The following NRG3 variants were observed in gnomAD, a reference collection of about 807,000 sequenced individuals.
NRG3 encodes the protein neuregulin 3.
In NRG3, 31 loss-of-function variants were observed where a neutral mutation model predicts 66.9. The observed-to-expected ratio is 0.46, with a 90% CI of 0.35 to 0.63. The LOEUF (loss-of-function observed/expected upper bound fraction) is 0.63, where lower values mean the gene tolerates loss of function less well. NRG3 is among the 20% of genes least tolerant of loss of function. The pLI is 0.00. For synonymous variants in NRG3, 393 were observed against 359.4 expected, an observed-to-expected ratio of 1.09 and a Z score of -1.06; for missense variants, 910 against 878.9, an observed-to-expected ratio of 1.04 and a Z score of -0.45.
At chr10:82,311,716 C>T (rs1419960984) in intron 1 of NRG3, among the ~76,000 whole-genome samples, 1 of 152,114 alleles carries the variant, frequency 6.6e-6, no homozygotes, top group Non-Finnish European at 1.5e-5. Flanking sequence ...TCATTTAATA[C>T]TCACACCAAA....
chr10:82,078,596 C>G (rs12765033), intron 1 of NRG3, among the ~76,000 whole-genome samples: 109 of 152,232 alleles, frequency 7.2e-4, no homozygotes, highest in African/African-American at 2.5e-3. Flanking sequence ...GTGATCCGAC[C>G]GCCTTGGCCT....
At chr10:82,630,499 C>T (rs937279385) in intron 2 of NRG3, among the ~76,000 whole-genome samples, 1 of 151,768 alleles carries the variant, frequency 6.6e-6, no homozygotes, top group Admixed American at 6.6e-5. Context: ...TTCCTTTCCA[C>T]CAGTTATTTT....
At chr10:82,378,479 A>G in intron 2 of NRG3, among the ~76,000 whole-genome samples, 1 of 152,154 alleles carries the variant, frequency 6.6e-6, no homozygotes, top group East Asian at 1.9e-4. Flanking sequence ...TTAGGGAAAG[A>G]GTTGATGGAA....
At chr10:82,676,143 C>T (rs1185256437) in intron 2 of NRG3, among the ~76,000 whole-genome samples, 5 of 152,106 alleles carry the variant, frequency 3.3e-5, no homozygotes, top group Admixed American at 1.3e-4. Flanking sequence ...GCCAGCCACA[C>T]TATGTAGAAG....
At chr10:82,514,243 C>T (rs1845453144) in intron 2 of NRG3, among the ~76,000 whole-genome samples, 1 of 152,118 alleles carries the variant, frequency 6.6e-6, no homozygotes. Context: ...TTTGACATTT[C>T]TGTCATGAAG....
At chr10:82,186,118 A>T (rs144789698) in intron 1 of NRG3, among the ~76,000 whole-genome samples, 112 of 152,310 alleles carry the variant, frequency 7.4e-4, no homozygotes, top group Middle Eastern at 6.8e-3. Context: ...TCAAAAATTC[A>T]TTGCTTAAAA....
At chr10:82,570,669 T>C (rs925704274) in intron 2 of NRG3, among the ~76,000 whole-genome samples, 1 of 151,594 alleles carries the variant, frequency 6.6e-6, no homozygotes. Context: ...TAAATATGCT[T>C]AAAAACAGTT....
intron 1 of NRG3, among the ~76,000 whole-genome samples, chr10:82,112,293 C>T (rs546558772): frequency 1.8e-4 from 27 of 152,088 alleles, no homozygotes; most frequent in South Asian, 8.3e-4. Context: ...TTTCTGTTTT[C>T]GCTTATTATT....
intron 1 of NRG3, among the ~76,000 whole-genome samples, chr10:82,297,493 A>G (rs1316509529): frequency 1.3e-5 from 2 of 152,256 alleles, no homozygotes; most frequent in Non-Finnish European, 2.9e-5. Flanking sequence ...GTATAACATT[A>G]TAGGAGCTTT....
chr10:82,610,604 A>G (rs1428986972), intron 2 of NRG3, among the ~76,000 whole-genome samples: 1 of 152,158 alleles, frequency 6.6e-6, no homozygotes, highest in African/African-American at 2.4e-5. Context: ...ATTCCACATA[A>G]TTTTGTACCC....
chr10:81,972,939 T>C (rs1326506706), intron 1 of NRG3, among the ~76,000 whole-genome samples: 1 of 152,182 alleles, frequency 6.6e-6, no homozygotes, highest in African/African-American at 2.4e-5. Flanking sequence ...AACTTTTAAG[T>C]TCAGAGGTAC....
chr10:82,984,411 A>G (rs977535378), intron 8 of NRG3, among the ~76,000 whole-genome samples: 8 of 152,296 alleles, frequency 5.3e-5, no homozygotes, highest in Non-Finnish European at 1.0e-4. Context: ...AGATGGGTAG[A>G]AGCCCTGTGG....
At chr10:81,921,561 T>C (rs1029799577) in intron 1 of NRG3, among the ~76,000 whole-genome samples, 20 of 152,158 alleles carry the variant, frequency 1.3e-4, no homozygotes, top group Admixed American at 1.3e-3. Flanking sequence ...TCTACATTTA[T>C]GCCTACTATG....
intron 1 of NRG3, among the ~76,000 whole-genome samples, chr10:82,204,688 G>A (rs116786987): frequency 4.0e-4 from 61 of 152,202 alleles, no homozygotes; most frequent in African/African-American, 1.4e-3. Flanking sequence ...TCATTGCTAG[G>A]TATAAAATTT....
intron 1 of NRG3, among the ~76,000 whole-genome samples, chr10:82,103,002 G>A (rs541463232): frequency 2.3e-4 from 35 of 152,082 alleles, no homozygotes; most frequent in Admixed American, 1.1e-3. Flanking sequence ...AAGTACTTCC[G>A]TCAGCATTTC....
chr10:82,442,676 C>T (rs113098186), intron 2 of NRG3, among the ~76,000 whole-genome samples: 1 of 151,044 alleles, frequency 6.6e-6, no homozygotes, highest in Non-Finnish European at 1.5e-5. Flanking sequence ...GAAAAATAGT[C>T]AGAGTCTACA....
At position 82,459,415 on chromosome 10, in the gene NRG3, T is replaced by C. The variant is rs551411763; in HGVS notation, c.953+100547T>C. On this transcript the variant is annotated intron_variant, in intron 2 of 8. Transcript: ENST00000372141. Reference sequence around the variant, plus strand: ...TGTAAGCAAGTGCAAGTATATGTATTCATTCATTCAAAAACCACCCACTGA... The same window carrying C: ...TGTAAGCAAGTGCAAGTATATGTATCCATTCATTCAAAAACCACCCACTGA... Among the ~76,000 whole-genome samples, 61 of 152,310 alleles carry C rather than the reference T, an allele frequency of 4.0e-4. 1 individual carries two copies. The South Asian group carries it at 0.012, about 29-fold the overall frequency.
chr10:82,101,981 A>G (rs1286023739), intron 1 of NRG3, among the ~76,000 whole-genome samples: 1 of 143,122 alleles, frequency 7.0e-6, no homozygotes, highest in African/African-American at 2.5e-5. Flanking sequence ...GTCTTATTTT[A>G]CAGTTCTGTA....
At chr10:82,329,420 T>G (rs942410414) in intron 1 of NRG3, among the ~76,000 whole-genome samples, 5 of 149,108 alleles carry the variant, frequency 3.4e-5, no homozygotes, top group African/African-American at 1.2e-4. Flanking sequence ...GTTTGTTTGG[T>G]GGGTTTTTCC....
Sources: gnomAD v4.1 joint callset for allele counts (sites outside exome capture counted in the v4.1 genomes callset) on GRCh38, gnomAD v4.1.1 for gene constraint, MANE v1.5 for transcripts, NCBI Gene and HGNC (gene_info 2026-07-23, HGNC 2026-07-21) for gene names.